Variants in CNTNAP2 observed in about 807,000 individuals in gnomAD.
The protein encoded by CNTNAP2 is contactin associated protein 2.
A neutral mutation model predicts 155.2 loss-of-function variants in CNTNAP2; 98 were observed. The observed-to-expected ratio is 0.63, with a 90% CI of 0.54 to 0.75. The LOEUF (loss-of-function observed/expected upper bound fraction) is 0.75, where lower values mean the gene tolerates loss of function less well. Among genes scored for constraint, CNTNAP2 ranks in the 30% least tolerant of loss-of-function variants. CNTNAP2 has a pLI of 0.00. For missense variants in CNTNAP2, 1,727 were observed against 1,688.1 expected (o/e 1.02, Z -0.40); for synonymous variants, 651 against 631.2 (o/e 1.03, Z -0.47).
intron 1 of CNTNAP2, among the ~76,000 whole-genome samples, chr7:146,380,784 C>CTTTTTTTTTTTTTTTTTTTTT (rs56886106): frequency 7.7e-5 from 3 of 38,820 alleles, no homozygotes; most frequent in African/African-American, 2.3e-4. Flanking sequence ...TATGCACGTT[C>CTTTTTTTTTTTTTTTTTTTTT]TTTTTTTTTT....
At chr7:147,321,814 C>T (rs1330738010) in intron 9 of CNTNAP2, among the ~76,000 whole-genome samples, 1 of 152,158 alleles carries the variant, frequency 6.6e-6, no homozygotes, top group East Asian at 1.9e-4. Flanking sequence ...GCCTGGTGTC[C>T]ACCACAGGCA....
intron 15 of CNTNAP2, among the ~76,000 whole-genome samples, chr7:148,033,399 G>A (rs2116465927): frequency 6.6e-6 from 1 of 150,956 alleles, no homozygotes; most frequent in South Asian, 2.1e-4. Context: ...AGAACGTGCA[G>A]GTTTGTTACA....
At chr7:147,296,665 A>G (rs1320404240) in intron 8 of CNTNAP2, among the ~76,000 whole-genome samples, 5 of 152,184 alleles carry the variant, frequency 3.3e-5, no homozygotes, top group African/African-American at 9.7e-5. Flanking sequence ...AAAGTAACCT[A>G]TGAGTACCAA....
chr7:146,366,041 C>T (rs1247585981), intron 1 of CNTNAP2, among the ~76,000 whole-genome samples: 1 of 151,890 alleles, frequency 6.6e-6, no homozygotes, highest in Non-Finnish European at 1.5e-5. Context: ...TTCCTCTCAT[C>T]ATATAATTTG....
intron 23 of CNTNAP2, among the ~76,000 whole-genome samples, chr7:148,410,990 C>T (rs1221507903): frequency 6.6e-6 from 1 of 152,068 alleles, no homozygotes; most frequent in Non-Finnish European, 1.5e-5. Context: ...TTCTCATGTA[C>T]CCCGTAAATT....
At chr7:148,179,582 C>T (rs896082622) in intron 18 of CNTNAP2, among the ~76,000 whole-genome samples, 3 of 47,104 alleles carry the variant, frequency 6.4e-5, no homozygotes, top group African/African-American at 2.5e-4. Flanking sequence ...AGGCGGGGTG[C>T]GGGGGAGAGA....
intron 13 of CNTNAP2, among the ~76,000 whole-genome samples, chr7:147,702,800 G>A (rs1221965005): frequency 6.6e-6 from 1 of 152,110 alleles, no homozygotes; most frequent in Non-Finnish European, 1.5e-5. Context: ...GCCTCGTGCT[G>A]TTGTAATGCT....
intron 1 of CNTNAP2, among the ~76,000 whole-genome samples, chr7:146,321,622 A>G (rs989486596): frequency 1.3e-5 from 2 of 152,212 alleles, no homozygotes; most frequent in African/African-American, 4.8e-5. Context: ...GGAGTGTGGA[A>G]TGCAGACTTA....
At chr7:148,306,641 C>G (rs1797496748) in intron 21 of CNTNAP2, among the ~76,000 whole-genome samples, 1 of 151,974 alleles carries the variant, frequency 6.6e-6, no homozygotes. Context: ...TTTAAATCAT[C>G]TGTTCTCATT....
chr7:148,400,666 C>A (rs1162609526), intron 22 of CNTNAP2, among the ~76,000 whole-genome samples: 1 of 152,084 alleles, frequency 6.6e-6, no homozygotes, highest in Non-Finnish European at 1.5e-5. Flanking sequence ...CTTGTAATAC[C>A]TAATACAACA....
intron 12 of CNTNAP2, 195 bp from the exon 13 acceptor site, chr7:147,638,911 C>A: frequency 7.8e-6 from 5 of 640,730 alleles, no homozygotes; most frequent in East Asian, 3.0e-5. Flanking sequence ...AAAAATATTA[C>A]TTTCCTACTT....
At chr7:147,820,783 A>G (rs1563100774) in intron 13 of CNTNAP2, among the ~76,000 whole-genome samples, 1 of 152,158 alleles carries the variant, frequency 6.6e-6, no homozygotes, top group Non-Finnish European at 1.5e-5. Context: ...TTCCTTAATG[A>G]ATTCCCTAGG....
chr7:146,739,574 A>G (rs1477418210), intron 1 of CNTNAP2, among the ~76,000 whole-genome samples: 1 of 151,984 alleles, frequency 6.6e-6, no homozygotes, highest in African/African-American at 2.4e-5. Context: ...GGCCTACCAT[A>G]TGATCTATTT....
rs545968127 is a variant in CNTNAP2 at position 147,977,098 on chromosome 7, C to T, written c.2256-764C>T. The stretch of plus-strand genomic sequence containing the variant: ...GCTCCAAAACTCACTGCACATAACT[C>T]ATCTTAAGCCCATCTCCAGGAACCC... On this transcript the variant is annotated intron_variant, in intron 14 of 23. Coordinates refer to ENST00000361727, the MANE Select transcript of CNTNAP2 (RefSeq NM_014141.6). Among the ~76,000 whole-genome samples the T allele has an allele frequency of 8.5e-5, 13 of 152,240 alleles. No individual in the cohort carries two copies. In the East Asian group the frequency reaches 2.5e-3, roughly 29 times the overall value.
At chr7:147,614,063 C>A (rs1435372165) in intron 12 of CNTNAP2, among the ~76,000 whole-genome samples, 1 of 152,110 alleles carries the variant, frequency 6.6e-6, no homozygotes, top group Non-Finnish European at 1.5e-5. Context: ...TATACACAGA[C>A]TTTGCTTTAA....
At chr7:146,833,450 C>T (rs1803554436) in intron 2 of CNTNAP2, among the ~76,000 whole-genome samples, 2 of 152,104 alleles carry the variant, frequency 1.3e-5, no homozygotes, top group African/African-American at 4.8e-5. Flanking sequence ...TTTCTCTACT[C>T]AAGTCCCAGA....
rs73738705 is a variant in CNTNAP2, at chr7:146,367,372, T to G, written c.97+250399T>G. On this transcript the variant is annotated intron_variant, in intron 1 of 23. Coordinates refer to ENST00000361727, the MANE Select transcript of CNTNAP2 (RefSeq NM_014141.6). The stretch of plus-strand genomic sequence containing the variant: ...TCTATGCCTGCATGATTCAGAAAAA[T>G]AAAACAAAAACATGTAAGCCTTTGG... 4.6e-3 allele frequency among the ~76,000 whole-genome samples: 701 copies of G among 152,096 alleles called. 7 individuals carry two copies. Among genetic ancestry groups the G allele is most frequent in the African/African-American group, 0.016 (668 of 41,516 alleles).
chr7:147,014,910 G>T (rs1244525770), intron 3 of CNTNAP2, among the ~76,000 whole-genome samples: 1 of 152,160 alleles, frequency 6.6e-6, no homozygotes, highest in Non-Finnish European at 1.5e-5. Context: ...TAATTGAGAT[G>T]CCTGACAAAT....
intron 4 of CNTNAP2, among the ~76,000 whole-genome samples, chr7:147,095,604 T>G (rs1257603106): frequency 6.6e-6 from 1 of 152,028 alleles, no homozygotes; most frequent in Non-Finnish European, 1.5e-5. Flanking sequence ...TTTCATTGTC[T>G]TTCATTGTTT....
Sources: gnomAD v4.1 joint callset for allele counts (sites outside exome capture counted in the v4.1 genomes callset) on GRCh38, gnomAD v4.1.1 for gene constraint, MANE v1.5 for transcripts, NCBI Gene and HGNC (gene_info 2026-07-23, HGNC 2026-07-21) for gene names.